Variants in ROBO1 observed in about 807,000 individuals in gnomAD.
ROBO1 encodes the protein roundabout homolog 1.
Under a neutral mutation model 195.9 loss-of-function variants are expected in ROBO1, and 149 were observed. The ratio of observed to expected loss-of-function variants is 0.76; its 90% CI spans 0.67 to 0.87. ROBO1 has a LOEUF of 0.87. Ranked by LOEUF, ROBO1 falls within the 40% of genes least tolerant of loss-of-function variation. The pLI, the probability that ROBO1 is intolerant of heterozygous loss-of-function variation, is 0.00. For missense variants in ROBO1, 1,933 were observed against 2,068.3 expected (o/e 0.93, Z 1.27); for synonymous variants, 816 against 733.2 (o/e 1.11, Z -1.82).
chr3:79,492,253 C>T (rs1234042580), intron 2 of ROBO1, among the ~76,000 whole-genome samples: 1 of 151,912 alleles, frequency 6.6e-6, no homozygotes, highest in South Asian at 2.1e-4. Context: ...GGTGAAACCC[C>T]GTCTCTACTA....
chr3:78,692,057 A>G (rs1189189842), intron 8 of ROBO1, among the ~76,000 whole-genome samples: 1 of 151,402 alleles, frequency 6.6e-6, no homozygotes, highest in Non-Finnish European at 1.5e-5. Flanking sequence ...AATACATAAT[A>G]AAGTATATAA....
At chr3:78,912,215 A>G (rs1286875546) in intron 4 of ROBO1, among the ~76,000 whole-genome samples, 1 of 152,104 alleles carries the variant, frequency 6.6e-6, no homozygotes, top group Non-Finnish European at 1.5e-5. Flanking sequence ...CATATTTTTC[A>G]TCTGTTTATG....
intron 2 of ROBO1, among the ~76,000 whole-genome samples, chr3:79,495,307 C>A (rs1939673029): frequency 6.6e-6 from 1 of 152,034 alleles, no homozygotes; most frequent in South Asian, 2.1e-4. Flanking sequence ...AACAGTAATT[C>A]AAAGTGTACT....
chr3:78,740,439 T>A (rs1259985159), intron 5 of ROBO1, among the ~76,000 whole-genome samples: 1 of 105,278 alleles, frequency 9.5e-6, no homozygotes, highest in African/African-American at 3.3e-5. Context: ...ACTTATTTCT[T>A]ATTTTTCTTT....
intron 2 of ROBO1, among the ~76,000 whole-genome samples, chr3:79,515,395 G>A (rs987979714): frequency 1.3e-5 from 2 of 152,210 alleles, no homozygotes; most frequent in Non-Finnish European, 2.9e-5. Context: ...AGAATAGCTT[G>A]AATAGCTGAG....
chr3:79,662,643 G>A (rs540441113), intron 1 of ROBO1, among the ~76,000 whole-genome samples: 112 of 152,152 alleles, frequency 7.4e-4, no homozygotes, highest in African/African-American at 1.7e-3. Context: ...AAGAGACTTC[G>A]TCAATATCAT....
chr3:79,406,463 A>C (rs2037554372), intron 2 of ROBO1, among the ~76,000 whole-genome samples: 1 of 151,758 alleles, frequency 6.6e-6, no homozygotes, highest in African/African-American at 2.4e-5. Context: ...AAAACACCAA[A>C]ACAGCAACAA....
At chr3:78,670,062 A>C in intron 11 of ROBO1, 34 bp downstream of exon 11, 1 of 1,538,012 alleles carries the variant, frequency 6.5e-7, no homozygotes, top group Non-Finnish European at 8.8e-7. Context: ...AAAGTGAAAC[A>C]AAACAAGAAA....
At chr3:79,216,171 ATTT>A (rs1259133682) in intron 2 of ROBO1, among the ~76,000 whole-genome samples, 1 of 152,050 alleles carries the variant, frequency 6.6e-6, no homozygotes, top group East Asian at 1.9e-4. Flanking sequence ...TCATCAAATA[ATTT>A]TTTTAAGGAA....
At chr3:79,623,568 A>G (rs573930966) in intron 1 of ROBO1, among the ~76,000 whole-genome samples, 1 of 152,206 alleles carries the variant, frequency 6.6e-6, no homozygotes, top group African/African-American at 2.4e-5. Context: ...TCAACAGTTG[A>G]ATCTACCAAC....
chr3:79,297,911 G>A (rs1428886625), intron 2 of ROBO1, among the ~76,000 whole-genome samples: 1 of 151,990 alleles, frequency 6.6e-6, no homozygotes, highest in Non-Finnish European at 1.5e-5. Flanking sequence ...GTCATGGAAT[G>A]CAACTAGCAA....
Position 78,668,848 on chromosome 3 carries a change from G to C in ROBO1, c.1549-283C>G, listed in dbSNP as rs149091985. Among the ~76,000 whole-genome samples the C allele has an allele frequency of 5.6e-3, 845 of 152,114 alleles. 6 individuals are homozygous for C. Among genetic ancestry groups the C allele is most frequent in the African/African-American group, 0.019 (803 of 41,518 alleles). ...AGTCTCAGGGACAATAATTCCTAAGGTAAGGCATACAATTCTTCAAATTTA... is the reference window on the plus strand; with the variant it reads ...AGTCTCAGGGACAATAATTCCTAAGCTAAGGCATACAATTCTTCAAATTTA... On this transcript the variant is annotated intron_variant, in intron 11 of 30. Transcript: ENST00000464233.
At chr3:79,639,677 T>C (rs530034614) in intron 1 of ROBO1, among the ~76,000 whole-genome samples, 24 of 152,284 alleles carry the variant, frequency 1.6e-4, no homozygotes, top group Non-Finnish European at 2.9e-4. Flanking sequence ...AATGAGCCCA[T>C]TGGATTTGAT....
intron 4 of ROBO1, among the ~76,000 whole-genome samples, chr3:78,836,511 C>CAAAAAAAAAAAAAAAA (rs1559907378): frequency 9.9e-5 from 1 of 10,076 alleles, no homozygotes; most frequent in African/African-American, 3.6e-4. Context: ...GACTCTGTCT[C>CAAAAAAAAAAAAAAAA]CAAAAAAAAA....
At chr3:79,242,449 GATAA>G (rs1320868999) in intron 2 of ROBO1, among the ~76,000 whole-genome samples, 1 of 152,086 alleles carries the variant, frequency 6.6e-6, no homozygotes, top group African/African-American at 2.4e-5. Context: ...GGGGCACAAG[GATAA>G]ATAAATAGCA....
chr3:79,699,551 C>CA (rs1389922515), intron 1 of ROBO1, among the ~76,000 whole-genome samples: 1 of 151,634 alleles, frequency 6.6e-6, no homozygotes, highest in Non-Finnish European at 1.5e-5. Flanking sequence ...CTTCCAAAGG[C>CA]ACACCTACCA....
intron 2 of ROBO1, among the ~76,000 whole-genome samples, chr3:79,129,685 C>T (rs961850660): frequency 6.6e-6 from 1 of 152,126 alleles, no homozygotes; most frequent in African/African-American, 2.4e-5. Flanking sequence ...TGTATGCATA[C>T]ATTGTAGAAT....
Position 78,612,285 on chromosome 3 carries a change from C to A in ROBO1, c.4435+2363G>T, listed in dbSNP as rs547130814. Among the ~76,000 whole-genome samples, 409 of 152,178 alleles carry A rather than the reference C, an allele frequency of 2.7e-3. 3 individuals carry two copies. The highest frequency in any genetic ancestry group is 7.5e-3 in the African/African-American group (312 of 41,518). Reference sequence around the variant, plus strand: ...TTTTGCCCACTAAAAAGAAAAAAAACCCCACAAAATCCTTCATGTCTTACA... The same window carrying A: ...TTTTGCCCACTAAAAAGAAAAAAAAACCCACAAAATCCTTCATGTCTTACA... On this transcript the variant is annotated intron_variant, in intron 28 of 30. Transcript: ENST00000464233.
At chr3:79,714,022 T>C (rs1190412604) in intron 1 of ROBO1, among the ~76,000 whole-genome samples, 2 of 152,152 alleles carry the variant, frequency 1.3e-5, no homozygotes, top group Non-Finnish European at 2.9e-5. Flanking sequence ...TGAAGTCATG[T>C]AGCATGATGC....
Sources: allele counts gnomAD v4.1 joint callset (sites outside exome capture counted in the v4.1 genomes callset), GRCh38; gene constraint gnomAD v4.1.1; transcripts MANE v1.5; gene names NCBI Gene and HGNC (gene_info 2026-07-23, HGNC 2026-07-21).